SPA17: variants seen among roughly 807,000 people sequenced by gnomAD.
SPA17 encodes the protein sperm autoantigenic protein 17, also known as sperm surface protein Sp17.
In SPA17, 7 loss-of-function variants were observed where a neutral mutation model predicts 13.8. That is an observed-to-expected ratio of 0.51 (90% confidence interval 0.29 to 0.95). The LOEUF (loss-of-function observed/expected upper bound fraction) is 0.95. Ranked by LOEUF, SPA17 falls within the 40% of genes least tolerant of loss-of-function variation. The probability of loss-of-function intolerance (pLI) is 0.08; values close to 1 mark genes in which losing one functional copy is unlikely to be tolerated. For missense variants in SPA17, 170 were observed against 179.3 expected, an observed-to-expected ratio of 0.95 and a Z score of 0.30; for synonymous variants, 61 against 59.0, an observed-to-expected ratio of 1.03 and a Z score of -0.16.
intron 3 of SPA17, among the ~76,000 whole-genome samples, chr11:124,685,466 C>A (rs1420359206): frequency 6.6e-6 from 1 of 152,230 alleles, no homozygotes; most frequent in Non-Finnish European, 1.5e-5. Flanking sequence ...CCATGGAGAA[C>A]CTCTACTAGG....
At chr11:124,683,104 T>C (rs1943543836) in intron 3 of SPA17, among the ~76,000 whole-genome samples, 1 of 152,122 alleles carries the variant, frequency 6.6e-6, no homozygotes, top group African/African-American at 2.4e-5. Context: ...AGAAAACAAC[T>C]ATCAGCCAGG....
chr11:124,683,035 C>A (rs772863360), intron 3 of SPA17, among the ~76,000 whole-genome samples: 14 of 152,150 alleles, frequency 9.2e-5, no homozygotes, highest in Non-Finnish European at 1.9e-4. Flanking sequence ...AATAACCGTA[C>A]TTCTCAGCAG....
intron 3 of SPA17, among the ~76,000 whole-genome samples, chr11:124,682,240 T>G (rs921934430): frequency 4.6e-5 from 7 of 152,110 alleles, no homozygotes; most frequent in African/African-American, 1.7e-4. Context: ...AGATAATGAA[T>G]GCTGGTTGAG....
At chr11:124,688,470 A>G (rs540067864) in intron 3 of SPA17, among the ~76,000 whole-genome samples, 1 of 152,238 alleles carries the variant, frequency 6.6e-6, no homozygotes, top group Non-Finnish European at 1.5e-5. Context: ...AAAGGAATCA[A>G]GAAGGCAATC....
At chr11:124,679,949 C>A (rs1031981606) in intron 2 of SPA17, among the ~76,000 whole-genome samples, 1 of 151,990 alleles carries the variant, frequency 6.6e-6, no homozygotes, top group Non-Finnish European at 1.5e-5. Flanking sequence ...TAAAAAAAAA[C>A]TCATTGGTCA....
intron 3 of SPA17, among the ~76,000 whole-genome samples, chr11:124,690,929 C>G (rs951030111): frequency 2.0e-5 from 3 of 152,240 alleles, no homozygotes; most frequent in Admixed American, 6.5e-5. Flanking sequence ...CTGTGTATTT[C>G]CATTTTACTA....
chr11:124,676,184 C>T (rs771681692), intron 2 of SPA17: 1 of 152,188 alleles, frequency 6.6e-6, no homozygotes, highest in Non-Finnish European at 1.5e-5. Context: ...GTGGTGCGCA[C>T]CTTTAGTACC....
chr11:124,692,303 G>A (rs549428125), intron 4 of SPA17, among the ~76,000 whole-genome samples: 34 of 152,238 alleles, frequency 2.2e-4, no homozygotes, highest in East Asian at 2.1e-3. Flanking sequence ...AGCGGAGGCC[G>A]GGCGTGGTGG....
intron 1 of SPA17, chr11:124,674,967 G>T (rs1445513379): frequency 1.9e-5 from 4 of 216,076 alleles, no homozygotes; most frequent in Non-Finnish European, 3.6e-5. Flanking sequence ...CATATAAAGG[G>T]TAAAGAGAGA....
Position 124,681,445 on chromosome 11 carries a change from A to C in SPA17, c.211A>C (p.Asn71His). The change falls in exon 3 of 5, where the codon AAT becomes CAT. Residue 71 changes from asparagine (N) to histidine (H), a missense_variant. By Grantham distance (68) the Asn-to-His change is moderately conservative (BLOSUM62 1). Transcript: ENST00000227135. ...TAAGGTAGAAGACCGCTTCTATAACAATCATGCATTCGAGGTATGGTCCTT... is the reference window on the plus strand; with the variant it reads ...TAAGGTAGAAGACCGCTTCTATAACCATCATGCATTCGAGGTATGGTCCTT... ...GSKVEDRFYN[N>H]HAFEEQEPPE... The C allele has an allele frequency of 6.3e-7, 1 of 1,583,476 alleles. No individual in the cohort carries two copies. Among genetic ancestry groups the C allele is most frequent in the South Asian group, 1.2e-5 (1 of 86,544 alleles).
intron 3 of SPA17, among the ~76,000 whole-genome samples, chr11:124,682,433 A>ATTT (rs1943537310): frequency 6.6e-6 from 1 of 152,156 alleles, no homozygotes; most frequent in African/African-American, 2.4e-5. Flanking sequence ...CAAAATACTG[A>ATTT]TTTTTAAATA....
At chr11:124,674,988 T>C (rs1943440908) in intron 1 of SPA17, 2 of 253,448 alleles carry the variant, frequency 7.9e-6, no homozygotes, top group East Asian at 1.5e-4. Context: ...AAAAGTCATA[T>C]TGAAAATTAT....
intron 3 of SPA17, among the ~76,000 whole-genome samples, chr11:124,685,773 G>A (rs188976078): frequency 6.6e-6 from 1 of 152,258 alleles, no homozygotes; most frequent in African/African-American, 2.4e-5. Flanking sequence ...GAACTTTAAG[G>A]TTTAATGACT....
intron 3 of SPA17, among the ~76,000 whole-genome samples, chr11:124,684,916 G>A (rs1431936756): frequency 6.6e-6 from 1 of 152,194 alleles, no homozygotes; most frequent in African/African-American, 2.4e-5. Flanking sequence ...GTATCTGGTG[G>A]AAGAAATTTC....
chr11:124,691,989 A>G (rs1943626975), intron 4 of SPA17, among the ~76,000 whole-genome samples: 3 of 152,206 alleles, frequency 2.0e-5, no homozygotes, highest in Non-Finnish European at 2.9e-5. Flanking sequence ...TCCTTTAAAA[A>G]TGAAATCTTA....
intron 3 of SPA17, among the ~76,000 whole-genome samples, chr11:124,688,967 C>CAT (rs1280257819): frequency 2.6e-5 from 4 of 152,108 alleles, no homozygotes; most frequent in African/African-American, 9.7e-5. Context: ...AAAACAGATA[C>CAT]ATAAATCAAC....
rs1337242206 is a variant in SPA17, at chr11:124,673,968, C to A, written c.-28+16C>A. ...GAGAAAGGAGGTGAGGCCGCTTCCC[C>A]ACTTCCTCTCCGATACCAAGACCTA... On this transcript the variant is annotated intron_variant, in intron 1 of 4. Transcript: ENST00000227135. The A allele has an allele frequency of 9.0e-6, 5 of 553,920 alleles. No homozygotes were observed. In the East Asian group the frequency reaches 1.5e-4, roughly 17 times the overall value. The allele number at this position is 553,920 out of a possible 1,614,324, so 34.3% of individuals were successfully genotyped here.
intron 1 of SPA17, 71 bp from the exon 2 acceptor site, chr11:124,675,167 G>T: frequency 1.4e-6 from 2 of 1,416,472 alleles, no homozygotes; most frequent in South Asian, 1.4e-5. Flanking sequence ...GAAATAATTT[G>T]TTGGCATAGT....
intron 2 of SPA17, among the ~76,000 whole-genome samples, chr11:124,677,085 C>T (rs1402970133): frequency 6.6e-6 from 1 of 152,114 alleles, no homozygotes; most frequent in East Asian, 1.9e-4. Context: ...ATAATTAAAG[C>T]AAATGATGAT....
Sources: allele counts gnomAD v4.1 joint callset (sites outside exome capture counted in the v4.1 genomes callset), GRCh38; gene constraint gnomAD v4.1.1; transcripts MANE v1.5; gene names NCBI Gene and HGNC (gene_info 2026-07-23, HGNC 2026-07-21).